HS3ST4: variants seen among roughly 807,000 people sequenced by gnomAD.
HS3ST4 encodes heparan sulfate-glucosamine 3-sulfotransferase 4, also known as heparan sulfate glucosamine 3-O-sulfotransferase 4.
A neutral mutation model predicts 29.2 loss-of-function variants in HS3ST4; 17 were observed. The observed-to-expected ratio is 0.58, with a 90% confidence interval of 0.40 to 0.87. HS3ST4 has a LOEUF of 0.87. Ranked by LOEUF, HS3ST4 falls within the 40% of genes least tolerant of loss-of-function variation. The pLI, the probability that HS3ST4 is intolerant of heterozygous loss-of-function variation, is 0.00. For synonymous variants in HS3ST4, 314 were observed against 285.7 expected (o/e 1.10, Z -1.00); for missense variants, 627 against 634.5 (o/e 0.99, Z 0.13).
intron 1 of HS3ST4, among the ~76,000 whole-genome samples, chr16:26,106,972 A>G (rs950148507): frequency 2.6e-5 from 4 of 152,076 alleles, no homozygotes; most frequent in Non-Finnish European, 4.4e-5. Context: ...CTCTTTGGCC[A>G]TTCTAGCCCT....
intron 1 of HS3ST4, among the ~76,000 whole-genome samples, chr16:25,752,874 C>A (rs1229569227): frequency 6.6e-6 from 1 of 152,208 alleles, no homozygotes; most frequent in Non-Finnish European, 1.5e-5. Flanking sequence ...TAGAGTTTTT[C>A]TCATAAACTG....
At chr16:25,917,517 T>C (rs1044517906) in intron 1 of HS3ST4, among the ~76,000 whole-genome samples, 1 of 152,230 alleles carries the variant, frequency 6.6e-6, no homozygotes, top group African/African-American at 2.4e-5. Flanking sequence ...AGCCTATCGC[T>C]CTTTCTAAAC....
At chr16:25,706,397 T>A (rs893240516) in intron 1 of HS3ST4, among the ~76,000 whole-genome samples, 48 of 152,150 alleles carry the variant, frequency 3.2e-4, no homozygotes, top group Non-Finnish European at 5.9e-5. Flanking sequence ...ATATATATAT[T>A]TTTTAATTTT....
intron 1 of HS3ST4, among the ~76,000 whole-genome samples, chr16:25,831,396 TACACACACACACACACACAC>T (rs58851793): frequency 6.3e-5 from 8 of 126,140 alleles, no homozygotes; most frequent in South Asian, 2.9e-4. Context: ...ACCCCGTCTC[TACACACACACACACACACAC>T]ACACACACAC....
chr16:26,063,105 T>C (rs1898499736), intron 1 of HS3ST4: 1 of 158,316 alleles, frequency 6.3e-6, no homozygotes, highest in African/African-American at 2.4e-5. Flanking sequence ...TTGTCTGCCA[T>C]GATTCCTGCC....
At chr16:25,862,867 A>G (rs947017893) in intron 1 of HS3ST4, among the ~76,000 whole-genome samples, 1 of 152,220 alleles carries the variant, frequency 6.6e-6, no homozygotes. Context: ...TGCTTTACAA[A>G]GTGTTTCCCC....
chr16:25,862,101 G>A (rs946714033), intron 1 of HS3ST4, among the ~76,000 whole-genome samples: 3 of 152,062 alleles, frequency 2.0e-5, no homozygotes, highest in Non-Finnish European at 4.4e-5. Flanking sequence ...CTCATAAGGA[G>A]CACACAACCT....
intron 1 of HS3ST4, among the ~76,000 whole-genome samples, chr16:25,884,291 T>C (rs1423567589): frequency 2.0e-5 from 3 of 152,144 alleles, no homozygotes; most frequent in African/African-American, 7.2e-5. Context: ...CAGGGATGCC[T>C]TTCCCTCAGA....
intron 1 of HS3ST4, among the ~76,000 whole-genome samples, chr16:26,059,438 A>G (rs1014285359): frequency 1.2e-4 from 19 of 152,236 alleles, no homozygotes; most frequent in African/African-American, 4.6e-4. Flanking sequence ...TTTTATGCCT[A>G]AGAATGAAAT....
chr16:25,758,547 A>G (rs6497884), intron 1 of HS3ST4, among the ~76,000 whole-genome samples: 34,411 of 151,408 alleles, frequency 0.23, 4,484 homozygotes, highest in East Asian at 0.55. Context: ...TCTGAACTTC[A>G]GAAATGGATA....
intron 1 of HS3ST4, among the ~76,000 whole-genome samples, chr16:25,713,590 G>A (rs1017996674): frequency 6.6e-6 from 1 of 152,058 alleles, no homozygotes; most frequent in Non-Finnish European, 1.5e-5. Flanking sequence ...AACACAAAAG[G>A]CCTTGGTTCC....
At chr16:25,864,356 A>G (rs1344912926) in intron 1 of HS3ST4, among the ~76,000 whole-genome samples, 4 of 107,188 alleles carry the variant, frequency 3.7e-5, no homozygotes, top group Non-Finnish European at 5.7e-5. Context: ...AAGTGTGCAA[A>G]GCATCATTAT....
At chr16:25,813,528 C>T (rs576562862) in intron 1 of HS3ST4, among the ~76,000 whole-genome samples, 2 of 152,170 alleles carry the variant, frequency 1.3e-5, no homozygotes, top group South Asian at 2.1e-4. Flanking sequence ...ACCTGGGAGG[C>T]GGAGGTTGTG....
intron 1 of HS3ST4, among the ~76,000 whole-genome samples, chr16:25,874,394 T>A (rs4787340): frequency 0.88 from 134,309 of 152,160 alleles, 60,810 homozygotes; most frequent in East Asian, 1. Flanking sequence ...TGGTAAAGGG[T>A]TGGAGCCAGG....
intron 1 of HS3ST4, among the ~76,000 whole-genome samples, chr16:25,853,190 G>T (rs2141650620): frequency 6.6e-6 from 1 of 152,018 alleles, no homozygotes; most frequent in African/African-American, 2.4e-5. Flanking sequence ...TAAGAGAGTT[G>T]TTCATGTAAA....
At chr16:26,049,025 C>T (rs939043382) in intron 1 of HS3ST4, among the ~76,000 whole-genome samples, 7 of 152,002 alleles carry the variant, frequency 4.6e-5, no homozygotes, top group Admixed American at 2.6e-4. Flanking sequence ...TAGCTAAAAT[C>T]GGAGACTACT....
intron 1 of HS3ST4, among the ~76,000 whole-genome samples, chr16:26,020,214 G>A (rs1309544333): frequency 6.6e-6 from 1 of 152,232 alleles, no homozygotes; most frequent in Non-Finnish European, 1.5e-5. Context: ...ACAGAGAGAT[G>A]ACTTGAGTCA....
chr16:25,861,984 G>C (rs1217828708), intron 1 of HS3ST4, among the ~76,000 whole-genome samples: 1 of 152,044 alleles, frequency 6.6e-6, no homozygotes, highest in African/African-American at 2.4e-5. Flanking sequence ...CACTAGGGAT[G>C]GGTTTCTCTT....
At chr16:26,052,228 C>T (rs989932611) in intron 1 of HS3ST4, among the ~76,000 whole-genome samples, 3 of 152,104 alleles carry the variant, frequency 2.0e-5, no homozygotes, top group Non-Finnish European at 4.4e-5. Flanking sequence ...GGCATTCCAT[C>T]GGACCCTTTT....
Sources: gnomAD v4.1 joint callset for allele counts (sites outside exome capture counted in the v4.1 genomes callset) on GRCh38, gnomAD v4.1.1 for gene constraint, MANE v1.5 for transcripts, NCBI Gene and HGNC (gene_info 2026-07-23, HGNC 2026-07-21) for gene names.